CACNA1C: variants seen among roughly 807,000 people sequenced by gnomAD.
The protein encoded by CACNA1C is calcium voltage-gated channel subunit alpha1 C.
A neutral mutation model predicts 229.0 loss-of-function variants in CACNA1C; 30 were observed. That is an observed-to-expected ratio of 0.13 (90% CI 0.10 to 0.18). The LOEUF is 0.18. CACNA1C is among the 10% of genes least tolerant of loss of function. The pLI is 1.00. For missense variants in CACNA1C, 1,658 were observed against 2,845.0 expected (o/e 0.58, Z 9.49); for synonymous variants, 1,114 against 1,132.5 (o/e 0.98, Z 0.33).
At chr12:2,367,947 A>G (rs1343483811) in intron 3 of CACNA1C, among the ~76,000 whole-genome samples, 3 of 152,186 alleles carry the variant, frequency 2.0e-5, no homozygotes, top group African/African-American at 7.2e-5. Flanking sequence ...GAATAATCTT[A>G]TATATGTACA....
upstream of CACNA1C, among the ~76,000 whole-genome samples, chr12:2,049,850 G>A (rs552630970): frequency 5.5e-4 from 83 of 152,268 alleles, no homozygotes; most frequent in South Asian, 6.8e-3. Flanking sequence ...TTGTTACCTC[G>A]AAAGAGCACA....
intron 5 of CACNA1C, among the ~76,000 whole-genome samples, chr12:2,465,300 G>C (rs758536636): frequency 1.3e-5 from 2 of 152,178 alleles, no homozygotes; most frequent in Non-Finnish European, 2.9e-5. Flanking sequence ...TCACCAGAGA[G>C]GCATGTGTAT....
intron 27 of CACNA1C, among the ~76,000 whole-genome samples, chr12:2,609,550 G>A (rs1458744901): frequency 6.7e-6 from 1 of 149,978 alleles, no homozygotes; most frequent in Non-Finnish European, 1.5e-5. Flanking sequence ...AAGTGGAAAT[G>A]AGAGAGGATT....
rs45616033 is a variant in CACNA1C, at chr12:2,651,921, G to A, written c.4074+153G>A. Reference sequence around the variant, plus strand: ...CCGCTCTGCCTGGCTCCCTGTTTCCGCACCGAGAGGCCTAGACGAAGCATG... The same window carrying A: ...CCGCTCTGCCTGGCTCCCTGTTTCCACACCGAGAGGCCTAGACGAAGCATG... On this transcript the variant is annotated intron_variant, in intron 32 of 46. Transcript: ENST00000399655. This position sits in a 1 kb window ranked among gnomAD's most constrained non-coding sequence, Gnocchi z 5.4. 0.032 allele frequency among the ~76,000 whole-genome samples: 4,867 copies of A among 151,950 alleles called. 112 individuals carry two copies. The highest frequency in any genetic ancestry group is 0.045 in the Non-Finnish European group (3,025 of 67,956).
chr12:2,478,278 C>A (rs1481999437), intron 5 of CACNA1C, among the ~76,000 whole-genome samples: 2 of 152,140 alleles, frequency 1.3e-5, no homozygotes, highest in Non-Finnish European at 2.9e-5. Context: ...CCCATGCAGG[C>A]AAAACTCCAG....
chr12:2,651,790 C>A lies in CACNA1C; in HGVS notation c.4074+22C>A, dbSNP rs746321130. On this transcript the variant is annotated intron_variant, in intron 32 of 46. Coordinates refer to ENST00000399655, the MANE Select transcript of CACNA1C (RefSeq NM_000719.7). The surrounding 1 kb of genome is among the most constrained non-coding windows in gnomAD (Gnocchi z 5.4). ...CCAGGTAGCCGCCCCTCATGTCCTG[C>A]GGCCCGGGGAATCGCAGGGCTGCCG... 1.3e-6 allele frequency: 2 copies of A among 1,556,886 alleles called. No individual in the cohort carries two copies. The highest frequency in any genetic ancestry group is 8.7e-7 in the Non-Finnish European group (1 of 1,155,218).
chr12:2,174,443 A>G (rs1334529588), intron 3 of CACNA1C, among the ~76,000 whole-genome samples: 4 of 152,228 alleles, frequency 2.6e-5, no homozygotes, highest in Admixed American at 6.5e-5. Context: ...AAATGATTTT[A>G]TAACAGAAAA....
At position 2,029,709 on chromosome 12, in the gene CACNA1C, T is replaced by C. The variant is rs2047918508; in HGVS notation, c.139+58508T>C. Among the ~76,000 whole-genome samples, 1 of 152,236 alleles carries C rather than the reference T, an allele frequency of 6.6e-6. No homozygotes were observed. The highest frequency in any genetic ancestry group is 2.4e-5 in the African/African-American group (1 of 41,448). On this transcript the variant is annotated intron_variant, in intron 1 of 46. Coordinates refer to the CACNA1C transcript ENST00000682462. The surrounding 1 kb of genome is among the most constrained non-coding windows in gnomAD (Gnocchi z 4.9). ...GCTAACTGACTGTGACACAGTTTTC[T>C]GTTTCTTTCCACCCCACAACTTGGT... is the stretch of plus-strand genomic sequence containing the variant.
chr12:2,031,656 TA>T (rs1236948586), intron 1 of CACNA1C, among the ~76,000 whole-genome samples: 1 of 152,176 alleles, frequency 6.6e-6, no homozygotes, highest in Non-Finnish European at 1.5e-5. Context: ...GAATGTAAAA[TA>T]AAGTTATTGG....
chr12:2,345,104 A>G (rs1054347446), intron 3 of CACNA1C, among the ~76,000 whole-genome samples: 15 of 150,552 alleles, frequency 1.0e-4, no homozygotes, highest in African/African-American at 2.9e-4. Context: ...GAGGAACTGC[A>G]TGCTCAATCA....
intron 1 of CACNA1C, among the ~76,000 whole-genome samples, chr12:2,064,185 CG>C (rs995048081): frequency 1.3e-5 from 2 of 152,182 alleles, no homozygotes; most frequent in African/African-American, 2.4e-5. Context: ...CAAAAAAAAC[CG>C]GTGTCTCTAT....
intron 1 of CACNA1C, among the ~76,000 whole-genome samples, chr12:2,038,194 T>G (rs916784678): frequency 6.6e-6 from 1 of 152,196 alleles, no homozygotes; most frequent in Non-Finnish European, 1.5e-5. Flanking sequence ...GACTTAGGAT[T>G]TGCAGGGTTC....
At chr12:2,437,696 G>T (rs996700528) in intron 3 of CACNA1C, among the ~76,000 whole-genome samples, 2 of 152,074 alleles carry the variant, frequency 1.3e-5, no homozygotes, top group Non-Finnish European at 2.9e-5. Flanking sequence ...GGTGGTGTTG[G>T]TGGTGGCAAT....
chr12:2,694,023 A>G lies in CACNA1C; in HGVS notation c.*2824A>G, dbSNP rs141300075. 4 of 152,360 alleles carry G rather than the reference A, an allele frequency of 2.6e-5. No individual in the cohort carries two copies. Among genetic ancestry groups the G allele is most frequent in the Non-Finnish European group, 4.4e-5 (3 of 68,044 alleles). 9.4% of individuals were successfully genotyped at this position (152,360 alleles called of 1,614,324 possible). A position where few individuals can be genotyped will look rare whatever the true frequency, so the allele number is the denominator to read the frequency against. ...ATGGATATCCACACCCAAGTCATCC[A>G]AACTTTCTTGATTCCTTTTCACTGC... On this transcript the variant is annotated 3_prime_UTR_variant, in exon 47 of 47. Coordinates refer to ENST00000399655, the MANE Select transcript of CACNA1C (RefSeq NM_000719.7).
chr12:2,648,237 A>G (rs1282264144), intron 30 of CACNA1C, among the ~76,000 whole-genome samples: 1 of 152,204 alleles, frequency 6.6e-6, no homozygotes, highest in Non-Finnish European at 1.5e-5. Context: ...AGTTATTTAA[A>G]GGGCATAGGT....
In CACNA1C at chr12:2,053,032, C is replaced by CGCTCG. The variant is rs1345294322; in HGVS notation, c.-528_-524dup. On this transcript the variant is annotated 5_prime_UTR_variant, in exon 1 of 47. Transcript: ENST00000399655. The surrounding 1 kb of genome is among the most constrained non-coding windows in gnomAD (Gnocchi z 5.8). ...GCAGAAACAGCTCCTGCCAGAGCGGCGCTCGGCGCGGCGCGGCGGGCCCGG... is the reference window on the plus strand; with the variant it reads ...GCAGAAACAGCTCCTGCCAGAGCGGCGCTCGGCTCGGCGCGGCGCGGCGGGCCCGG... 4.1e-6 allele frequency: 4 copies of CGCTCG among 983,996 alleles called. No homozygotes were observed. In the African/African-American group the frequency reaches 7.0e-5, roughly 17 times the overall value. The allele number at this position is 983,996 out of a possible 1,614,324, so 61.0% of individuals were successfully genotyped here.
In CACNA1C at chr12:2,458,232, C is replaced by T. The variant is rs574945641; in HGVS notation, c.757+526C>T. On this transcript the variant is annotated intron_variant, in intron 5 of 46. Transcript: ENST00000399655. Reference sequence around the variant, plus strand: ...CTCAGGAGCCCTACTGGAAATACCACGCCTGTCATTGTGAGAACTTATTTT... The same window carrying T: ...CTCAGGAGCCCTACTGGAAATACCATGCCTGTCATTGTGAGAACTTATTTT... 3.3e-5 allele frequency among the ~76,000 whole-genome samples: 5 copies of T among 152,376 alleles called. No homozygotes were observed. The South Asian group carries it at 6.2e-4, about 19-fold the overall frequency.
rs1047262954 is a variant in CACNA1C, at chr12:2,486,411, C to CAG, written c.916+153_916+154dup. 15 of 592,312 alleles carry CAG rather than the reference C, an allele frequency of 2.5e-5. No individual in the cohort carries two copies. In the African/African-American group the frequency reaches 2.8e-4, roughly 11 times the overall value. 36.7% of individuals were successfully genotyped at this position (592,312 alleles called of 1,614,324 possible). A position where few individuals can be genotyped will look rare whatever the true frequency, so the allele number is the denominator to read the frequency against. On this transcript the variant is annotated intron_variant, in intron 6 of 46. Transcript: ENST00000399655. The surrounding 1 kb of genome is among the most constrained non-coding windows in gnomAD (Gnocchi z 4.9). ...ACACTGGGCATGGTTAAGTGAGAGGCAGAGACCCGTATCCTTTTTTTCTCA... is the reference window on the plus strand; with the variant it reads ...ACACTGGGCATGGTTAAGTGAGAGGCAGAGAGACCCGTATCCTTTTTTTCTCA...
chr12:2,113,268 G>A (rs932766257), intron 1 of CACNA1C, among the ~76,000 whole-genome samples: 7 of 152,248 alleles, frequency 4.6e-5, no homozygotes, highest in African/African-American at 1.7e-4. Context: ...ACATGGCTAA[G>A]CCAGGTCATG....
Sources: allele counts gnomAD v4.1 joint callset (sites outside exome capture counted in the v4.1 genomes callset), GRCh38; gene constraint gnomAD v4.1.1; non-coding constraint Gnocchi (gnomAD v3.1); transcripts MANE v1.5; gene names NCBI Gene and HGNC (gene_info 2026-07-23, HGNC 2026-07-21).